RDH11: variants seen among roughly 807,000 people sequenced by gnomAD.
RDH11 encodes the protein retinol dehydrogenase 11, also known as HCV core-binding protein HCBP12.
A neutral mutation model predicts 33.4 loss-of-function variants in RDH11; 19 were observed. The ratio of observed to expected loss-of-function variants is 0.57; its 90% CI spans 0.40 to 0.83. RDH11 has a LOEUF of 0.83. RDH11 is among the 40% of genes least tolerant of loss of function. The probability of loss-of-function intolerance (pLI) is 0.00; values close to 1 mark genes in which losing one functional copy is unlikely to be tolerated. For missense variants in RDH11, 353 were observed against 389.0 expected (o/e 0.91, Z 0.78); for synonymous variants, 154 against 155.3 (o/e 0.99, Z 0.06).
intron 6 of RDH11, among the ~76,000 whole-genome samples, chr14:67,682,454 T>C (rs775860070): frequency 8.5e-5 from 13 of 152,186 alleles, no homozygotes; most frequent in African/African-American, 2.4e-4. Flanking sequence ...AAGGACTTGA[T>C]AGACATTTCC....
intron 1 of RDH11, among the ~76,000 whole-genome samples, chr14:67,694,821 T>C (rs767252026): frequency 1.3e-5 from 2 of 152,176 alleles, no homozygotes; most frequent in Non-Finnish European, 2.9e-5. Flanking sequence ...TCAAGTTCTA[T>C]TGGGACTAAG....
At chr14:67,692,105 C>T in intron 3 of RDH11, 1 of 201,108 alleles carries the variant, frequency 5.0e-6, no homozygotes, top group Non-Finnish European at 1.0e-5. Context: ...ACAGCTCCAG[C>T]TCTCAAAGGC....
At chr14:67,684,824 T>C (rs2037656697) in intron 6 of RDH11, 191 bp downstream of exon 6, 1 of 457,920 alleles carries the variant, frequency 2.2e-6, no homozygotes, top group South Asian at 5.1e-5. Flanking sequence ...GTATAAAAGA[T>C]GGCATAAAAT....
At position 67,692,572 on chromosome 14, in the gene RDH11, C is replaced by G. The variant is rs1210444698; in HGVS notation, c.215G>C (p.Cys72Ser). 9 of 1,599,214 alleles carry G rather than the reference C, an allele frequency of 5.6e-6. No homozygotes were observed. In the East Asian group the frequency reaches 1.8e-4, roughly 32 times the overall value. ...AQRGARVYLA[C>S]RDVEKGELVA... ...CAATTCCCCCTTTTCCACATCCCGGCAAGCTAAATATACTCGAGCTCCTGT... is the reference window on the plus strand; with the variant it reads ...CAATTCCCCCTTTTCCACATCCCGGGAAGCTAAATATACTCGAGCTCCTGT... Residue 72 changes from cysteine (C) to serine (S), a missense_variant, in exon 3 of 7, where the codon TGC becomes TCC. Coordinates refer to ENST00000381346, the MANE Select transcript of RDH11 (RefSeq NM_016026.4).
chr14:67,692,422 C>T lies in RDH11; in HGVS notation c.349+16G>A. ...CCTCAAGACCCACAACATAGTCTCT[C>T]TAGTTCTACACTTACCAGCTAAGAA... On this transcript the variant is annotated intron_variant, in intron 3 of 6. Transcript: ENST00000381346. The T allele has an allele frequency of 6.2e-7, 1 of 1,613,948 alleles. No homozygotes were observed. Among genetic ancestry groups the T allele is most frequent in the South Asian group, 1.1e-5 (1 of 91,056 alleles).
intron 5 of RDH11, among the ~76,000 whole-genome samples, chr14:67,685,785 T>A (rs1442207745): frequency 6.6e-6 from 1 of 151,918 alleles, no homozygotes; most frequent in East Asian, 1.9e-4. Context: ...CAGGCTAATT[T>A]TTGTATTTTT....
intron 5 of RDH11, chr14:67,686,077 T>C (rs1396542112): frequency 6.6e-6 from 1 of 152,172 alleles, no homozygotes; most frequent in Non-Finnish European, 1.5e-5. Context: ...AATTCTATGG[T>C]GCTCACATTT....
chr14:67,694,516 ATT>A (rs199846421), intron 1 of RDH11, among the ~76,000 whole-genome samples: 18 of 138,486 alleles, frequency 1.3e-4, no homozygotes, highest in South Asian at 4.4e-4. Context: ...ACACACATAT[ATT>A]TTTTTTTTTT....
intron 5 of RDH11, among the ~76,000 whole-genome samples, chr14:67,688,422 G>C (rs1397465824): frequency 2.0e-5 from 3 of 152,172 alleles, no homozygotes; most frequent in African/African-American, 7.2e-5. Context: ...TACTGTGTTG[G>C]AGTTTCAGTT....
intron 3 of RDH11, 105 bp from the exon 4 acceptor site, chr14:67,691,349 A>G: frequency 1.4e-6 from 1 of 708,708 alleles, no homozygotes; most frequent in Non-Finnish European, 2.5e-6. Context: ...CAGGACTTCA[A>G]TCTTCCCTCC....
chr14:67,693,592 G>A (rs983031561), intron 1 of RDH11, among the ~76,000 whole-genome samples: 3 of 150,966 alleles, frequency 2.0e-5, no homozygotes, highest in African/African-American at 7.3e-5. Flanking sequence ...ACAAAGGGGA[G>A]CTGGGATTCA....
chr14:67,686,969 T>C (rs1486262309), intron 5 of RDH11, among the ~76,000 whole-genome samples: 1 of 152,140 alleles, frequency 6.6e-6, no homozygotes, highest in African/African-American at 2.4e-5. Flanking sequence ...AGATGACCCA[T>C]AGTAATGCAG....
intron 1 of RDH11, among the ~76,000 whole-genome samples, chr14:67,694,430 G>A (rs1336498834): frequency 7.3e-6 from 1 of 137,634 alleles, no homozygotes. Flanking sequence ...ACAGCTCCTG[G>A]AATATATATA....
rs1159656925 is a variant in RDH11, at chr14:67,691,144, G to A, written c.450C>T (p.His150=). Reference sequence around the variant, plus strand: ...TGATAAGGCCAGATTTCTTACCCAAGTGGTTGACTCCTATGTGCATCTCAA... The same window carrying A: ...TGATAAGGCCAGATTTCTTACCCAAATGGTTGACTCCTATGTGCATCTCAA... ...DGFEMHIGVN[H]LGHFLLTHLL... is the part of the protein sequence containing the mutation. Residue 150 remains histidine (H), a synonymous_variant, in exon 4 of 7, where the codon CAC becomes CAT. Transcript: ENST00000381346. 1.5e-5 allele frequency: 24 copies of A among 1,609,724 alleles called. No individual in the cohort carries two copies. Among genetic ancestry groups the A allele is most frequent in the Non-Finnish European group, 2.0e-5 (23 of 1,176,118 alleles).
At chr14:67,694,479 C>T (rs201989233) in intron 1 of RDH11, among the ~76,000 whole-genome samples, 24 of 131,566 alleles carry the variant, frequency 1.8e-4, no homozygotes, top group African/African-American at 6.9e-4. Context: ...TATATATATA[C>T]ACACACACAC....
intron 1 of RDH11, among the ~76,000 whole-genome samples, chr14:67,695,171 G>A (rs1032390329): frequency 6.6e-6 from 1 of 152,196 alleles, no homozygotes; most frequent in Non-Finnish European, 1.5e-5. Flanking sequence ...CAACGAGAGA[G>A]CAAGGATGGG....
Position 67,685,002 on chromosome 14 carries a change from A to G in RDH11, c.854+13T>C, listed in dbSNP as rs759915239. 2.5e-6 allele frequency: 4 copies of G among 1,595,488 alleles called. No homozygotes were observed. The South Asian group carries it at 3.4e-5, about 14-fold the overall frequency. On this transcript the variant is annotated intron_variant, in intron 6 of 6. Transcript: ENST00000381346. The stretch of plus-strand genomic sequence containing the variant: ...CAATAAATCTCATCTGCAAAAAGAG[A>G]TAACATTCATACCTGAAATGATTCC...
At chr14:67,684,926 G>T in intron 6 of RDH11, 89 bp downstream of exon 6, 2 of 1,025,944 alleles carry the variant, frequency 1.9e-6, no homozygotes, top group Non-Finnish European at 2.8e-6. Flanking sequence ...ATGAGACAAT[G>T]TACTTTTAAA....
At position 67,695,763 on chromosome 14, in the gene RDH11, T is replaced by G. The variant is rs1013015221; in HGVS notation, c.-60A>C. The G allele has an allele frequency of 4.6e-6, 7 of 1,518,526 alleles. No individual in the cohort carries two copies. The Admixed American group carries it at 1.2e-4, about 26-fold the overall frequency. The allele number at this position is 1,518,526 out of a possible 1,614,324, so 94.1% of individuals were successfully genotyped here. ...TCCAGCGTTGCTCGCCGACTATGGC[T>G]TCTCTTTCTAGACACGCCCCAATTC... On this transcript the variant is annotated 5_prime_UTR_variant, in exon 1 of 7. Transcript: ENST00000381346.
Sources: gnomAD v4.1 joint callset for allele counts (sites outside exome capture counted in the v4.1 genomes callset) on GRCh38, gnomAD v4.1.1 for gene constraint, MANE v1.5 for transcripts, NCBI Gene and HGNC (gene_info 2026-07-23, HGNC 2026-07-21) for gene names.